The following CPS1 variants were observed in gnomAD, a reference collection of about 807,000 sequenced individuals.
The protein encoded by CPS1 is carbamoyl-phosphate synthase 1.
A neutral mutation model predicts 174.6 loss-of-function variants in CPS1; 109 were observed. The observed-to-expected ratio is 0.62, with a 90% CI of 0.53 to 0.73. CPS1 has a LOEUF of 0.73. Among genes scored for constraint, CPS1 ranks in the 30% least tolerant of loss-of-function variants. The pLI is 0.00. For missense variants in CPS1, 1,689 were observed against 1,821.9 expected, an observed-to-expected ratio of 0.93 and a Z score of 1.33; for synonymous variants, 637 against 632.0, an observed-to-expected ratio of 1.01 and a Z score of -0.12.
chr2:210,531,741 G>A (rs1252996568), intron 1 of CPS1, among the ~76,000 whole-genome samples: 2 of 152,152 alleles, frequency 1.3e-5, no homozygotes, highest in Non-Finnish European at 2.9e-5. Flanking sequence ...CCATTGATAG[G>A]AGGTGAAACT....
chr2:210,573,409 T>C lies in CPS1; in HGVS notation c.236+2T>C. The C allele has an allele frequency of 1.9e-6, 3 of 1,598,228 alleles. No homozygotes were observed. The highest frequency in any genetic ancestry group is 2.6e-6 in the Non-Finnish European group (3 of 1,165,872). On this transcript the variant is annotated splice_donor_variant, in intron 2 of 37. Transcript: ENST00000233072. LOFTEE classifies it high-confidence loss of function. ...GGTTTTTAATACTGGCCTGGGAGGG[T>C]GAGTAATGCTTTTCCAAGGCTTTAT...
At chr2:210,521,069 G>A (rs573176637) in intron 1 of CPS1, among the ~76,000 whole-genome samples, 1 of 152,098 alleles carries the variant, frequency 6.6e-6, no homozygotes, top group East Asian at 1.9e-4. Context: ...CACCAGCAGT[G>A]TATAGGAGTT....
At chr2:210,634,774 G>A (rs751710338) in intron 21 of CPS1, among the ~76,000 whole-genome samples, 1 of 152,086 alleles carries the variant, frequency 6.6e-6, no homozygotes, top group Non-Finnish European at 1.5e-5. Flanking sequence ...TACAGAGCAC[G>A]TACTCACTAA....
intron 16 of CPS1, chr2:210,604,878 A>G: frequency 3.7e-6 from 2 of 540,344 alleles, no homozygotes; most frequent in African/African-American, 1.9e-5. Context: ...AGCACTTTGA[A>G]TGGCAAGCCT....
At chr2:210,642,757 A>G (rs956580151) in intron 25 of CPS1, 92 bp downstream of exon 25, 2 of 1,172,686 alleles carry the variant, frequency 1.7e-6, no homozygotes, top group African/African-American at 3.1e-5. Flanking sequence ...ATAGATGTAT[A>G]TAGTAATTCC....
intron 1 of CPS1, among the ~76,000 whole-genome samples, chr2:210,566,658 C>G: frequency 6.6e-6 from 1 of 152,156 alleles, no homozygotes; most frequent in Non-Finnish European, 1.5e-5. Flanking sequence ...AGACTGGGTT[C>G]AGAAACCGCT....
chr2:210,666,423 A>T (rs1480494272), intron 33 of CPS1, among the ~76,000 whole-genome samples: 23 of 151,082 alleles, frequency 1.5e-4, no homozygotes, highest in African/African-American at 4.9e-4. Context: ...CTGAATGGTA[A>T]TGCCTAGGTT....
chr2:210,532,728 T>C (rs1696148762), intron 1 of CPS1, among the ~76,000 whole-genome samples: 2 of 152,152 alleles, frequency 1.3e-5, no homozygotes, highest in Admixed American at 6.5e-5. Flanking sequence ...AATAAACATA[T>C]GTGTTTACCA....
At chr2:210,531,053 C>G (rs1286067921) in intron 1 of CPS1, among the ~76,000 whole-genome samples, 2 of 151,952 alleles carry the variant, frequency 1.3e-5, no homozygotes, top group African/African-American at 4.8e-5. Context: ...GCCCTAAAAA[C>G]TCTTGCCATG....
chr2:210,639,927 C>A, intron 23 of CPS1, 69 bp from the exon 24 acceptor site: 1 of 1,073,672 alleles, frequency 9.3e-7, no homozygotes, highest in Non-Finnish European at 1.4e-6. Context: ...AATGATAGGA[C>A]AACTAGTTTA....
chr2:210,532,936 A>G lies in CPS1; in HGVS notation c.4-23783A>G, dbSNP rs1387249992. Among the ~76,000 whole-genome samples, 4 of 152,168 alleles carry G rather than the reference A, an allele frequency of 2.6e-5. No individual in the cohort carries two copies. The East Asian group carries it at 7.7e-4, about 29-fold the overall frequency. Reference sequence around the variant, plus strand: ...GTCTCCTAGGTTAAACAGGTCTTCAAGAAGGTGATCCTGCAAGAACTAATC... The same window carrying G: ...GTCTCCTAGGTTAAACAGGTCTTCAGGAAGGTGATCCTGCAAGAACTAATC... On this transcript the variant is annotated intron_variant, in intron 1 of 38. Coordinates refer to the CPS1 transcript ENST00000430249.
intron 16 of CPS1, among the ~76,000 whole-genome samples, chr2:210,603,823 C>T (rs766549519): frequency 2.8e-4 from 43 of 151,564 alleles, no homozygotes; most frequent in Non-Finnish European, 4.4e-4. Context: ...CTAAACAATC[C>T]CCTATTCTCT....
At chr2:210,496,073 T>C (rs1035366296) in intron 1 of CPS1, among the ~76,000 whole-genome samples, 6 of 152,098 alleles carry the variant, frequency 3.9e-5, no homozygotes, top group African/African-American at 1.4e-4. Context: ...AATATTCAGA[T>C]ACTATTTTTG....
intron 1 of CPS1, among the ~76,000 whole-genome samples, chr2:210,516,296 T>G (rs1164557090): frequency 6.6e-6 from 1 of 151,752 alleles, no homozygotes; most frequent in African/African-American, 2.4e-5. Context: ...TCAGTGGGGT[T>G]TAAGTTCGGT....
At chr2:210,593,051 GAGC>G in intron 11 of CPS1, 95 bp downstream of exon 11, 3 of 1,079,080 alleles carry the variant, frequency 2.8e-6, no homozygotes, top group Non-Finnish European at 4.3e-6. Context: ...AGATGATCTT[GAGC>G]AGAACATTCT....
At chr2:210,636,246 T>C (rs1160777415) in intron 21 of CPS1, among the ~76,000 whole-genome samples, 3 of 152,148 alleles carry the variant, frequency 2.0e-5, no homozygotes, top group Non-Finnish European at 4.4e-5. Context: ...CTTAGCTCTT[T>C]ACAAATTATT....
chr2:210,506,525 A>G (rs1553719889), intron 1 of CPS1, among the ~76,000 whole-genome samples: 1 of 152,186 alleles, frequency 6.6e-6, no homozygotes, highest in Non-Finnish European at 1.5e-5. Context: ...GCAATGAAAC[A>G]TGGAGAATGA....
At chr2:210,646,017 A>T (rs1700366998) in intron 25 of CPS1, among the ~76,000 whole-genome samples, 1 of 152,212 alleles carries the variant, frequency 6.6e-6, no homozygotes, top group African/African-American at 2.4e-5. Flanking sequence ...ATTTCTTTAA[A>T]AACAAGTCAA....
At chr2:210,624,833 A>G (rs1016405013) in intron 21 of CPS1, among the ~76,000 whole-genome samples, 5 of 152,028 alleles carry the variant, frequency 3.3e-5, no homozygotes, top group African/African-American at 1.2e-4. Flanking sequence ...TATTCAGATG[A>G]CTCATAAAGT....
Sources: allele counts gnomAD v4.1 joint callset (sites outside exome capture counted in the v4.1 genomes callset), GRCh38; gene constraint gnomAD v4.1.1; transcripts MANE v1.5; gene names NCBI Gene and HGNC (gene_info 2026-07-23, HGNC 2026-07-21).